CACHD1: variants seen among roughly 807,000 people sequenced by gnomAD.
CACHD1 encodes VWFA and cache domain-containing protein 1.
In CACHD1, 71 loss-of-function variants were observed where a neutral mutation model predicts 138.7. The observed-to-expected ratio is 0.51, with a 90% CI of 0.42 to 0.62. CACHD1 has a LOEUF of 0.62. Among genes scored for constraint, CACHD1 ranks in the 20% least tolerant of loss-of-function variants. CACHD1 has a pLI of 0.00. For synonymous variants in CACHD1, 578 were observed against 591.5 expected, an observed-to-expected ratio of 0.98 and a Z score of 0.33; for missense variants, 1,389 against 1,625.3, an observed-to-expected ratio of 0.85 and a Z score of 2.50.
At chr1:64,615,408 G>T (rs1443986139) in intron 4 of CACHD1, among the ~76,000 whole-genome samples, 2 of 152,138 alleles carry the variant, frequency 1.3e-5, no homozygotes, top group Non-Finnish European at 2.9e-5. Context: ...GGCCTTCCAG[G>T]GTTGTGTTGG....
intron 4 of CACHD1, among the ~76,000 whole-genome samples, chr1:64,604,079 C>A (rs1477591696): frequency 2.0e-5 from 3 of 152,146 alleles, no homozygotes; most frequent in African/African-American, 7.2e-5. Flanking sequence ...AGGCAGAGGA[C>A]CAGAATATTT....
intron 1 of CACHD1, among the ~76,000 whole-genome samples, chr1:64,508,264 A>C (rs1462463708): frequency 6.6e-6 from 1 of 152,222 alleles, no homozygotes; most frequent in Non-Finnish European, 1.5e-5. Flanking sequence ...ACAGTTCTGC[A>C]TGAGATTTGG....
chr1:64,476,196 A>G (rs1304038543), intron 1 of CACHD1, among the ~76,000 whole-genome samples: 1 of 152,228 alleles, frequency 6.6e-6, no homozygotes, highest in African/African-American at 2.4e-5. Flanking sequence ...CTTTGGTGGC[A>G]CTGGACAAGG....
intron 1 of CACHD1, among the ~76,000 whole-genome samples, chr1:64,520,517 A>G (rs188303151): frequency 1.3e-5 from 2 of 152,324 alleles, no homozygotes; most frequent in Admixed American, 6.5e-5. Context: ...AATGCCAACC[A>G]CATTTGAGTT....
chr1:64,632,807 T>G, intron 6 of CACHD1, 64 bp downstream of exon 6: 1 of 1,571,346 alleles, frequency 6.4e-7, no homozygotes, highest in Non-Finnish European at 8.7e-7. Flanking sequence ...TTTAAAGTAC[T>G]TTATTGTTTT....
chr1:64,570,487 G>T (rs998824290), intron 2 of CACHD1, among the ~76,000 whole-genome samples: 17 of 152,128 alleles, frequency 1.1e-4, no homozygotes, highest in African/African-American at 3.9e-4. Context: ...TGACATGCAT[G>T]TCAGGCCTAC....
intron 7 of CACHD1, among the ~76,000 whole-genome samples, chr1:64,639,481 A>C (rs532237018): frequency 2.6e-5 from 4 of 152,326 alleles, no homozygotes; most frequent in African/African-American, 9.6e-5. Flanking sequence ...TAAATAGTGA[A>C]ATTTAAATGT....
chr1:64,545,818 G>T (rs571335592), intron 1 of CACHD1, among the ~76,000 whole-genome samples: 1 of 152,086 alleles, frequency 6.6e-6, no homozygotes, highest in African/African-American at 2.4e-5. Flanking sequence ...TGAGAGAAAG[G>T]TCAGTTTTGT....
intron 2 of CACHD1, among the ~76,000 whole-genome samples, chr1:64,558,712 A>G (rs1376156227): frequency 6.6e-6 from 1 of 152,210 alleles, no homozygotes; most frequent in Non-Finnish European, 1.5e-5. Context: ...TAAATAGGCA[A>G]CCTACAGAAA....
At chr1:64,477,600 A>ATTG (rs1476822394) in intron 1 of CACHD1, among the ~76,000 whole-genome samples, 1 of 142,442 alleles carries the variant, frequency 7.0e-6, no homozygotes, top group East Asian at 2.0e-4. Flanking sequence ...TATTATTATT[A>ATTG]TTATTATTAT....
chr1:64,510,121 G>T (rs1183587643), intron 1 of CACHD1, among the ~76,000 whole-genome samples: 4 of 152,156 alleles, frequency 2.6e-5, no homozygotes, highest in Non-Finnish European at 5.9e-5. Flanking sequence ...GGAGCCTCAG[G>T]TGAATTCTCA....
intron 1 of CACHD1, among the ~76,000 whole-genome samples, chr1:64,497,260 C>G (rs963408416): frequency 1.3e-5 from 2 of 152,130 alleles, no homozygotes; most frequent in African/African-American, 4.8e-5. Context: ...TCCAGTCACT[C>G]GGCTAACATT....
chr1:64,509,900 G>A (rs1646406453), intron 1 of CACHD1, among the ~76,000 whole-genome samples: 1 of 151,878 alleles, frequency 6.6e-6, no homozygotes, highest in Admixed American at 6.6e-5. Flanking sequence ...TTTAGGATTT[G>A]GAAGAAATAA....
chr1:64,658,890 T>C lies in CACHD1; in HGVS notation c.1951+17T>C, dbSNP rs1484728961. On this transcript the variant is annotated intron_variant, in intron 13 of 26. Coordinates refer to ENST00000651257, the MANE Select transcript of CACHD1 (RefSeq NM_020925.4). ...CAACCCTAGGTAAAGCCCTTACACT[T>C]CCTTCACATTCTTACTCTTAGCAGC... is the stretch of plus-strand genomic sequence containing the variant. The C allele has an allele frequency of 6.5e-7, 1 of 1,531,266 alleles. No homozygotes were observed. 94.9% of individuals were successfully genotyped at this position (1,531,266 alleles called of 1,614,324 possible).
intron 9 of CACHD1, among the ~76,000 whole-genome samples, chr1:64,651,688 T>C (rs1053131604): frequency 6.6e-6 from 1 of 152,170 alleles, no homozygotes; most frequent in Non-Finnish European, 1.5e-5. Flanking sequence ...AACAGATGTG[T>C]GAACCAAGGC....
chr1:64,648,143 CCT>C (rs1412989625), intron 9 of CACHD1, 109 bp downstream of exon 9: 2 of 788,176 alleles, frequency 2.5e-6, no homozygotes, highest in Non-Finnish European at 4.2e-6. Flanking sequence ...TGCCACCTGT[CCT>C]ATATCTCTGT....
At chr1:64,601,885 C>T (rs1472020995) in intron 3 of CACHD1, among the ~76,000 whole-genome samples, 1 of 152,116 alleles carries the variant, frequency 6.6e-6, no homozygotes, top group African/African-American at 2.4e-5. Flanking sequence ...TTTGAGAGTC[C>T]TCTCAGGGTC....
intron 1 of CACHD1, among the ~76,000 whole-genome samples, chr1:64,497,880 C>T (rs1255646004): frequency 6.6e-6 from 1 of 152,114 alleles, no homozygotes; most frequent in Non-Finnish European, 1.5e-5. Flanking sequence ...AATCCCAGCA[C>T]TTTGGGAGGC....
chr1:64,510,142 G>A (rs1010666464), intron 1 of CACHD1, among the ~76,000 whole-genome samples: 3 of 152,160 alleles, frequency 2.0e-5, no homozygotes, highest in African/African-American at 7.2e-5. Flanking sequence ...GTGCTGGTAC[G>A]TGACCAGCTG....
Sources: allele counts gnomAD v4.1 joint callset (sites outside exome capture counted in the v4.1 genomes callset), GRCh38; gene constraint gnomAD v4.1.1; transcripts MANE v1.5; gene names NCBI Gene and HGNC (gene_info 2026-07-23, HGNC 2026-07-21).